Variants in TAPBPL observed in about 807,000 individuals in gnomAD.
TAPBPL encodes tapasin-related protein.
TAPBPL carries 32 observed loss-of-function variants against 44.8 expected under a neutral mutation model. The observed-to-expected ratio is 0.71, with a 90% confidence interval of 0.54 to 0.96. TAPBPL has a LOEUF of 0.96. TAPBPL is among the 40% of genes least tolerant of loss of function. The pLI, the probability that TAPBPL is intolerant of heterozygous loss-of-function variation, is 0.00. For synonymous variants in TAPBPL, 230 were observed against 240.7 expected (o/e 0.96, Z 0.41); for missense variants, 520 against 586.6 (o/e 0.89, Z 1.17).
downstream of TAPBPL, chr12:6,470,779 C>T (rs1173163443): frequency 1.2e-5 from 7 of 570,302 alleles, no homozygotes; most frequent in African/African-American, 1.3e-4. Flanking sequence ...GGTCGCCCAG[C>T]GCTACAGGCC....
downstream of TAPBPL, chr12:6,465,821 G>A (rs761087471): frequency 1.2e-6 from 2 of 1,612,944 alleles, no homozygotes; most frequent in East Asian, 2.2e-5. Context: ...AAAAGATGGA[G>A]GAGGGGACAA....
At chr12:6,460,516 C>T (rs554237711) in intron 5 of TAPBPL, among the ~76,000 whole-genome samples, 1 of 152,332 alleles carries the variant, frequency 6.6e-6, no homozygotes, top group East Asian at 1.9e-4. Flanking sequence ...ATCCACCTAC[C>T]TCAGCCTCCC....
At position 6,462,176 on chromosome 12, in the gene TAPBPL, A is replaced by C. The variant is rs759893027; in HGVS notation, c.*27A>C. On this transcript the variant is annotated 3_prime_UTR_variant, in exon 7 of 7. Coordinates refer to ENST00000266556, the MANE Select transcript of TAPBPL (RefSeq NM_018009.5). ...CTAAAGCGACATGAGACTACTAGAAAGAAACGACACCCTTCCCCAAGCCCC... is the reference window on the plus strand; with the variant it reads ...CTAAAGCGACATGAGACTACTAGAACGAAACGACACCCTTCCCCAAGCCCC... 1 of 1,564,058 alleles carries C rather than the reference A, an allele frequency of 6.4e-7. No individual in the cohort carries two copies. Among genetic ancestry groups the C allele is most frequent in the South Asian group, 1.1e-5 (1 of 87,596 alleles).
downstream of TAPBPL, chr12:6,470,471 G>A (rs1945745193): frequency 1.1e-5 from 17 of 1,612,456 alleles, no homozygotes; most frequent in Non-Finnish European, 1.4e-5. Flanking sequence ...CGCAGAATCG[G>A]GAGCTTGGGG....
chr12:6,471,837 AG>A, the TAPBPL span, among the ~76,000 whole-genome samples: 4 of 148,094 alleles, frequency 2.7e-5, no homozygotes, highest in Admixed American at 6.7e-5. This position sits in a 1 kb window ranked among gnomAD's most constrained non-coding sequence, Gnocchi z 4.0. Context: ...AAAAAAAAAA[AG>A]AAAAAAGGTT....
At chr12:6,471,142 G>A (rs1945766515), downstream of TAPBPL, among the ~76,000 whole-genome samples, 1 of 152,120 alleles carries the variant, frequency 6.6e-6, no homozygotes, top group Non-Finnish European at 1.5e-5. This position sits in a 1 kb window ranked among gnomAD's most constrained non-coding sequence, Gnocchi z 4.0. Context: ...CCACCGCCCC[G>A]CCTCTAACTA....
chr12:6,460,784 C>A, intron 5 of TAPBPL, 71 bp from the exon 6 acceptor site: 1 of 1,472,868 alleles, frequency 6.8e-7, no homozygotes, highest in Non-Finnish European at 9.5e-7. Context: ...CTGGGGTGGA[C>A]ACTGCAGGTG....
At chr12:6,461,519 G>T in intron 6 of TAPBPL, 1 of 932,370 alleles carries the variant, frequency 1.1e-6, no homozygotes, top group Admixed American at 5.8e-5. Flanking sequence ...AAAGGCCCTT[G>T]TGTCTGCTGC....
At chr12:6,464,090 AC>A (rs1336622313), downstream of TAPBPL, 4 of 1,308,530 alleles carry the variant, frequency 3.1e-6, no homozygotes, top group Non-Finnish European at 4.0e-6. Flanking sequence ...TCTAGAAGTC[AC>A]CATGGGCACC....
chr12:6,452,454 G>A lies in TAPBPL; in HGVS notation c.64+142G>A, dbSNP rs58096457. The A allele has an allele frequency of 4.0e-3, 5,824 of 1,453,102 alleles. 195 individuals are homozygous for A. In the African/African-American group the frequency reaches 0.07, roughly 18 times the overall value. 90.0% of individuals were successfully genotyped at this position (1,453,102 alleles called of 1,614,324 possible). A position where few individuals can be genotyped will look rare whatever the true frequency, so the allele number is the denominator to read the frequency against. On this transcript the variant is annotated intron_variant, in intron 1 of 6. Transcript: ENST00000266556. ...AAGCCCAACAGGGGAAAGGCTCAGC[G>A]GCTGGCAAAGGAAGGAACCAATAGT... is the stretch of plus-strand genomic sequence containing the variant.
chr12:6,463,052 C>T, downstream of TAPBPL: 2 of 1,541,878 alleles, frequency 1.3e-6, no homozygotes, highest in Admixed American at 2.0e-5. This position sits in a 1 kb window ranked among gnomAD's most constrained non-coding sequence, Gnocchi z 4.0. Flanking sequence ...TCCCCTTGCA[C>T]CTGGGCTTAT....
intron 5 of TAPBPL, among the ~76,000 whole-genome samples, chr12:6,459,371 T>G (rs771620636): frequency 1.3e-5 from 2 of 152,156 alleles, no homozygotes; most frequent in Non-Finnish European, 2.9e-5. Flanking sequence ...TAAAGAGAAT[T>G]TGGAGAATTG....
chr12:6,462,965 T>C, downstream of TAPBPL: 1 of 1,552,758 alleles, frequency 6.4e-7, no homozygotes, highest in Non-Finnish European at 8.7e-7. Context: ...GGCCTCAGCC[T>C]CTTCCTGTTC....
chr12:6,458,787 T>C lies in TAPBPL; in HGVS notation c.1047T>C (p.Gly349=). 1 of 1,614,116 alleles carries C rather than the reference T, an allele frequency of 6.2e-7. No individual in the cohort carries two copies. ...ELGGSPAQVS[G]ASFSSLRQSV... Reference sequence around the variant, plus strand: ...GTGGATCCCCAGCCCAAGTCTCTGGTGCCTCCTTCTCCAGCCTCAGGCAAA... The same window carrying C: ...GTGGATCCCCAGCCCAAGTCTCTGGCGCCTCCTTCTCCAGCCTCAGGCAAA... Residue 349 remains glycine (G), a synonymous_variant, in exon 5 of 7, where the codon GGT becomes GGC. Transcript: ENST00000266556.
At chr12:6,470,860 CTGT>C (rs1945758786), downstream of TAPBPL, 1 of 467,538 alleles carries the variant, frequency 2.1e-6, no homozygotes, top group Admixed American at 3.5e-5. Flanking sequence ...GGAGCGGTTG[CTGT>C]GAGGATCCTT....
At chr12:6,471,781 C>T in the TAPBPL span, among the ~76,000 whole-genome samples, 28 of 151,992 alleles carry the variant, frequency 1.8e-4, no homozygotes, top group African/African-American at 6.3e-4. This position sits in a 1 kb window ranked among gnomAD's most constrained non-coding sequence, Gnocchi z 4.0. Context: ...GAGCCGAGAT[C>T]ACGCCACTGC....
At chr12:6,470,612 TG>T (rs1252154706), downstream of TAPBPL, 8 of 1,580,866 alleles carry the variant, frequency 5.1e-6, no homozygotes, top group Non-Finnish European at 6.1e-6. Flanking sequence ...GCGGCTGAAG[TG>T]GACGGAACTG....
chr12:6,468,420 G>C (rs1458397305), downstream of TAPBPL, among the ~76,000 whole-genome samples: 1 of 152,194 alleles, frequency 6.6e-6, no homozygotes, highest in Non-Finnish European at 1.5e-5. Flanking sequence ...AGGACTGTTT[G>C]TTTGCTTTGT....
chr12:6,462,528 T>C (rs1248181932), downstream of TAPBPL: 9 of 506,952 alleles, frequency 1.8e-5, no homozygotes, highest in South Asian at 2.8e-4. Flanking sequence ...GAAAGGGGGA[T>C]AGCAGAGACA....
Sources: allele counts gnomAD v4.1 joint callset (sites outside exome capture counted in the v4.1 genomes callset), GRCh38; gene constraint gnomAD v4.1.1; non-coding constraint Gnocchi (gnomAD v3.1); transcripts MANE v1.5; gene names NCBI Gene and HGNC (gene_info 2026-07-23, HGNC 2026-07-21).